The following TMEM182 variants were observed in gnomAD, a reference collection of about 807,000 sequenced individuals.
The protein encoded by TMEM182 is transmembrane protein 182.
Under a neutral mutation model 26.8 loss-of-function variants are expected in TMEM182, and 20 were observed. The observed-to-expected ratio is 0.75, with a 90% CI of 0.53 to 1.09. The LOEUF (loss-of-function observed/expected upper bound fraction) is 1.09. Among genes scored for constraint, TMEM182 ranks in the 50% least tolerant of loss-of-function variants. The pLI is 0.00. For missense variants in TMEM182, 277 were observed against 275.5 expected (o/e 1.01, Z -0.04); for synonymous variants, 109 against 102.2 (o/e 1.07, Z -0.40).
chr2:102,814,903 T>A lies in TMEM182; in HGVS notation c.625T>A (p.Phe209Ile). The A allele has an allele frequency of 6.2e-7, 1 of 1,613,918 alleles. No homozygotes were observed. The highest frequency in any genetic ancestry group is 8.5e-7 in the Non-Finnish European group (1 of 1,179,924). Residue 209 changes from phenylalanine to isoleucine, a missense_variant, in exon 5 of 5, where the codon TTT becomes ATT. Transcript: ENST00000412401. ...WSFFLAPAGIFFSLLAGLLFL... is the reference protein window; with the variant it reads ...WSFFLAPAGIIFSLLAGLLFL... ...ATTTTTCCTGGCCCCAGCTGGGATA[T>A]TTTTTTCTTTGCTAGCTGGATTACT...
downstream of TMEM182, chr2:102,817,742 T>C (rs554436692): frequency 1.1e-4 from 108 of 979,672 alleles, no homozygotes; most frequent in African/African-American, 1.8e-3. Context: ...TGGGTGCATG[T>C]CTGTGTATAT....
chr2:102,763,811 A>C (rs1264055448), intron 2 of TMEM182, among the ~76,000 whole-genome samples: 1 of 152,334 alleles, frequency 6.6e-6, no homozygotes, highest in Admixed American at 6.5e-5. Flanking sequence ...CAGACAACAT[A>C]AAAGTGCCTT....
intron 3 of TMEM182, among the ~76,000 whole-genome samples, chr2:102,780,644 C>T (rs962254444): frequency 2.6e-5 from 4 of 152,168 alleles, no homozygotes; most frequent in African/African-American, 9.7e-5. Context: ...AGGGTGACCT[C>T]ATGACCACCC....
intron 1 of TMEM182, among the ~76,000 whole-genome samples, chr2:102,750,880 A>G (rs1337537901): frequency 1.3e-5 from 2 of 152,194 alleles, no homozygotes; most frequent in Non-Finnish European, 2.9e-5. Flanking sequence ...GCTTAAAAAC[A>G]GACATTTTCT....
At chr2:102,833,353 C>T (rs1369246735) in intron 3 of TMEM182, among the ~76,000 whole-genome samples, 1 of 152,156 alleles carries the variant, frequency 6.6e-6, no homozygotes, top group Non-Finnish European at 1.5e-5. Flanking sequence ...TCACCAGATC[C>T]AATTGCAGTT....
chr2:102,740,700 A>G (rs1004521962), intron 1 of TMEM182, among the ~76,000 whole-genome samples: 6 of 152,222 alleles, frequency 3.9e-5, no homozygotes, highest in Non-Finnish European at 8.8e-5. Context: ...TGACCCAACT[A>G]TTACACTCTG....
At chr2:102,808,455 C>A (rs1682427562) in intron 4 of TMEM182, among the ~76,000 whole-genome samples, 1 of 152,182 alleles carries the variant, frequency 6.6e-6, no homozygotes. Flanking sequence ...GAGGAAGCTT[C>A]AGCAGGTGCA....
chr2:102,831,630 G>A (rs1305506877), intron 3 of TMEM182, among the ~76,000 whole-genome samples: 1 of 152,122 alleles, frequency 6.6e-6, no homozygotes, highest in South Asian at 2.1e-4. Context: ...GGTGGTACAT[G>A]CCTGTAGTCC....
chr2:102,776,213 C>G (rs1391269433), intron 3 of TMEM182, among the ~76,000 whole-genome samples: 1 of 152,146 alleles, frequency 6.6e-6, no homozygotes, highest in Non-Finnish European at 1.5e-5. Context: ...AGGATTCACT[C>G]TTTGTGTTAG....
At position 102,829,976 on chromosome 2, in the gene TMEM182, G is replaced by A. The variant is rs183871082; in HGVS notation, c.326-13436G>A. The stretch of plus-strand genomic sequence containing the variant: ...GTTACTGTTCATATTACCGGTAAGA[G>A]TGAGAGTTGAAGGGTAAAGGGAAGT... On this transcript the variant is annotated intron_variant, in intron 3 of 3. Coordinates refer to the TMEM182 transcript ENST00000486293. Among the ~76,000 whole-genome samples the A allele has an allele frequency of 1.2e-4, 19 of 152,326 alleles. No individual in the cohort carries two copies. In the East Asian group the frequency reaches 1.7e-3, roughly 14 times the overall value.
chr2:102,814,205 A>G (rs1176617395), intron 4 of TMEM182, among the ~76,000 whole-genome samples: 1 of 152,096 alleles, frequency 6.6e-6, no homozygotes, highest in Non-Finnish European at 1.5e-5. Context: ...GTATAACCAT[A>G]TTTAATTGCA....
intron 4 of TMEM182, among the ~76,000 whole-genome samples, chr2:102,803,593 G>A (rs1310878249): frequency 1.3e-5 from 2 of 152,110 alleles, no homozygotes; most frequent in Non-Finnish European, 2.9e-5. Context: ...GAGATAAGAT[G>A]GATACATAAT....
intron 1 of TMEM182, among the ~76,000 whole-genome samples, chr2:102,741,290 A>C (rs1057288064): frequency 2.6e-5 from 4 of 152,176 alleles, no homozygotes; most frequent in African/African-American, 9.6e-5. Context: ...CATGAGAGTT[A>C]GAAACTCTTA....
At chr2:102,827,342 A>G (rs1334591594) in intron 3 of TMEM182, among the ~76,000 whole-genome samples, 2 of 152,238 alleles carry the variant, frequency 1.3e-5, no homozygotes, top group Non-Finnish European at 2.9e-5. Context: ...GATATACTAT[A>G]CTACCAGATA....
rs1680540285 is a variant in TMEM182, at chr2:102,768,441, C to T, written c.331+4014C>T. Among the ~76,000 whole-genome samples the T allele has an allele frequency of 2.0e-5, 3 of 151,760 alleles. No individual in the cohort carries two copies. The South Asian group carries it at 6.2e-4, about 31-fold the overall frequency. On this transcript the variant is annotated intron_variant, in intron 3 of 4. Coordinates refer to ENST00000412401, the MANE Select transcript of TMEM182 (RefSeq NM_144632.5). ...GGTAGCCAAAGTGTTGTAATCCCAA[C>T]ACTTTGGAAGGCTGAGGCGGGCAGA...
chr2:102,815,607 G>A lies in TMEM182; in HGVS notation c.*639G>A, dbSNP rs151186061. Reference sequence around the variant, plus strand: ...TACCTAGTTTTATTCACTTAATTGTGCATGCTTACATAAACTTTAAACTAC... The same window carrying A: ...TACCTAGTTTTATTCACTTAATTGTACATGCTTACATAAACTTTAAACTAC... On this transcript the variant is annotated 3_prime_UTR_variant, in exon 5 of 5. Transcript: ENST00000412401. 7.7e-4 allele frequency: 757 copies of A among 985,404 alleles called. 7 individuals carry two copies. In the African/African-American group the frequency reaches 0.012, roughly 16 times the overall value. The allele number at this position is 985,404 out of a possible 1,614,324, so 61.0% of individuals were successfully genotyped here.
At chr2:102,764,523 T>G in intron 3 of TMEM182, 96 bp downstream of exon 3, 2 of 916,834 alleles carry the variant, frequency 2.2e-6, no homozygotes, top group South Asian at 4.4e-5. Context: ...AAAAAATAAT[T>G]TAAGACCTGT....
At chr2:102,782,635 C>T (rs1005479429) in intron 3 of TMEM182, among the ~76,000 whole-genome samples, 3 of 152,214 alleles carry the variant, frequency 2.0e-5, no homozygotes, top group African/African-American at 7.2e-5. Flanking sequence ...GGTCTCTCAC[C>T]CAAAGATCGG....
chr2:102,819,894 C>T (rs955268702), downstream of TMEM182, among the ~76,000 whole-genome samples: 1 of 152,182 alleles, frequency 6.6e-6, no homozygotes, highest in African/African-American at 2.4e-5. Flanking sequence ...GGATCCAGAG[C>T]ATATGTGGTG....
Sources: gnomAD v4.1 joint callset for allele counts (sites outside exome capture counted in the v4.1 genomes callset) on GRCh38, gnomAD v4.1.1 for gene constraint, MANE v1.5 for transcripts, NCBI Gene and HGNC (gene_info 2026-07-23, HGNC 2026-07-21) for gene names.